The following IFFO1 variants were observed in gnomAD, a reference collection of about 807,000 sequenced individuals.
IFFO1 encodes the protein intermediate filament family orphan 1.
IFFO1 carries 42 observed loss-of-function variants against 59.6 expected under a neutral mutation model. That is an observed-to-expected ratio of 0.70 (90% CI 0.55 to 0.91). The LOEUF is 0.91. IFFO1 is among the 40% of genes least tolerant of loss of function. The pLI, the probability that IFFO1 is intolerant of heterozygous loss-of-function variation, is 0.00. For missense variants in IFFO1, 711 were observed against 793.2 expected (o/e 0.90, Z 1.24); for synonymous variants, 336 against 342.8 (o/e 0.98, Z 0.22).
At position 6,556,012 on chromosome 12, in the gene IFFO1, G is replaced by T. The variant is rs533101704; in HGVS notation, c.18C>A (p.Gly6=). MNPLF[G]PNLFLLQQEQ... Reference sequence around the variant, plus strand: ...CCTGCTGCAGGAGGAAGAGGTTGGGGCCGAATAACGGATTCATGGCTGCGC... The same window carrying T: ...CCTGCTGCAGGAGGAAGAGGTTGGGTCCGAATAACGGATTCATGGCTGCGC... Residue 6 remains glycine, a synonymous_variant, in exon 1 of 10, where the codon GGC becomes GGA. Coordinates refer to ENST00000619571, the MANE Select transcript of IFFO1 (RefSeq NM_001193457.2). The T allele has an allele frequency of 1.3e-6, 2 of 1,581,340 alleles. No homozygotes were observed. Among genetic ancestry groups the T allele is most frequent in the African/African-American group, 2.7e-5 (2 of 74,462 alleles).
At chr12:6,546,570 G>A (rs1036567169) in intron 8 of IFFO1, among the ~76,000 whole-genome samples, 5 of 152,102 alleles carry the variant, frequency 3.3e-5, no homozygotes, top group Non-Finnish European at 5.9e-5. Context: ...TGCAAGCTCC[G>A]CCTCCCGGGT....
rs375069559 is a variant in IFFO1 at position 6,540,925 on chromosome 12, C to T, written c.1611-337G>A. Among the ~76,000 whole-genome samples, 11 of 150,828 alleles carry T rather than the reference C, an allele frequency of 7.3e-5. No homozygotes were observed. In the East Asian group the frequency reaches 1.6e-3, roughly 22 times the overall value. On this transcript the variant is annotated intron_variant, in intron 9 of 9. Coordinates refer to ENST00000619571, the MANE Select transcript of IFFO1 (RefSeq NM_001193457.2). ...CCAACATGGTGAAACCCCATCTCTA[C>T]TAAAAATGCAAAAATTAGCCAGGTG... is the stretch of plus-strand genomic sequence containing the variant.
At position 6,540,389 on chromosome 12, in the gene IFFO1, A is replaced by C; in HGVS notation, c.*94T>G. On this transcript the variant is annotated 3_prime_UTR_variant, in exon 10 of 10. Transcript: ENST00000619571. ...GTCCCCAGGGACCGGCCTGGTGCAG[A>C]GCTGCAGCTGATGTTCCCCTCTGTG... The C allele has an allele frequency of 2.9e-6, 3 of 1,028,920 alleles. No individual in the cohort carries two copies. The highest frequency in any genetic ancestry group is 2.6e-5 in the South Asian group (2 of 78,414). 63.7% of individuals were successfully genotyped at this position (1,028,920 alleles called of 1,614,324 possible). A position where few individuals can be genotyped will look rare whatever the true frequency, so the allele number is the denominator to read the frequency against.
At chr12:6,551,783 G>T in intron 1 of IFFO1, 1 of 321,188 alleles carries the variant, frequency 3.1e-6, no homozygotes, top group Non-Finnish European at 6.2e-6. Flanking sequence ...GACACAGCCT[G>T]TTCCAGGGCC....
Position 6,550,687 on chromosome 12 carries a change from G to A in IFFO1, c.930+8C>T, listed in dbSNP as rs376062108. The A allele has an allele frequency of 1.9e-6, 3 of 1,609,446 alleles. No homozygotes were observed. Among genetic ancestry groups the A allele is most frequent in the Admixed American group, 1.7e-5 (1 of 60,002 alleles). ...TTCGACCCTCGGGAAGCCTGGGGCT[G>A]CACTCACGTTACTCATGAGCCCCTT... On this transcript the variant is annotated splice_region_variant and intron_variant, in intron 3 of 9. Coordinates refer to ENST00000619571, the MANE Select transcript of IFFO1 (RefSeq NM_001193457.2).
At chr12:6,539,355 G>A (rs1165241304), downstream of IFFO1, 3 of 152,126 alleles carry the variant, frequency 2.0e-5, no homozygotes, top group African/African-American at 7.2e-5. Context: ...GCATGCTGAA[G>A]CAGGAGAATC....
chr12:6,555,547 G>T lies in IFFO1; in HGVS notation c.483C>A (p.Arg161=). ...PSARVLGSPA[R]SPAGPLAPSA... Reference sequence around the variant, plus strand: ...AGGGCGCGAGGGGGCCGGCCGGGGAGCGCGCGGGCGAGCCCAGCACGCGCG... The same window carrying T: ...AGGGCGCGAGGGGGCCGGCCGGGGATCGCGCGGGCGAGCCCAGCACGCGCG... The change falls in exon 1 of 10, where the codon CGC becomes CGA. Residue 161 remains arginine, a synonymous_variant. Coordinates refer to ENST00000619571, the MANE Select transcript of IFFO1 (RefSeq NM_001193457.2). The surrounding 1 kb of genome is among the most constrained non-coding windows in gnomAD (Gnocchi z 8.6). 6.5e-7 allele frequency: 1 copy of T among 1,529,926 alleles called. No homozygotes were observed. Among genetic ancestry groups the T allele is most frequent in the Non-Finnish European group, 8.8e-7 (1 of 1,140,342 alleles). 94.8% of individuals were successfully genotyped at this position (1,529,926 alleles called of 1,614,324 possible).
At position 6,548,286 on chromosome 12, in the gene IFFO1, A is replaced by G; in HGVS notation, c.1384-126T>C. On this transcript the variant is annotated intron_variant, in intron 7 of 9. Transcript: ENST00000619571. This position sits in a 1 kb window ranked among gnomAD's most constrained non-coding sequence, Gnocchi z 6.1. ...TTAAAGAAACTGGAGAAAGAAAAGC[A>G]AAAGGATAAAGGAAGAGGGGAGACG... 7.4e-7 allele frequency: 1 copy of G among 1,346,286 alleles called. No individual in the cohort carries two copies. The allele number at this position is 1,346,286 out of a possible 1,614,324, so 83.4% of individuals were successfully genotyped here. A position where few individuals can be genotyped will look rare whatever the true frequency, so the allele number is the denominator to read the frequency against.
intron 8 of IFFO1, among the ~76,000 whole-genome samples, chr12:6,545,201 C>A (rs533974167): frequency 6.6e-6 from 1 of 151,728 alleles, no homozygotes; most frequent in Non-Finnish European, 1.5e-5. Context: ...GGCGACACAG[C>A]GAGACTACGT....
rs1947070255 is a variant in IFFO1 at position 6,548,436 on chromosome 12, C to A, written c.1372G>T (p.Ala458Ser). 3 of 1,611,872 alleles carry A rather than the reference C, an allele frequency of 1.9e-6. No homozygotes were observed. The highest frequency in any genetic ancestry group is 2.5e-6 in the Non-Finnish European group (3 of 1,178,842). ...GGAGCAGAGGTTACCTCTCCCTGGG[C>A]CTCTGCAGCTGCCATGGCATAGCCT... ...FSGYAMAAAEAQGEQQEDSLE... is the reference protein window; with the variant it reads ...FSGYAMAAAESQGEQQEDSLE... Residue 458 changes from alanine to serine, a missense_variant, in exon 7 of 10, where the codon GCC becomes TCC. Coordinates refer to ENST00000619571, the MANE Select transcript of IFFO1 (RefSeq NM_001193457.2). This position sits in a 1 kb window ranked among gnomAD's most constrained non-coding sequence, Gnocchi z 6.1.
rs888136476 is a variant in IFFO1, at chr12:6,540,233, G to T, written c.*250C>A. Reference sequence around the variant, plus strand: ...AGATGGGGAAGTAGCAGACACCCACGCGTGAAGGCAGGAGAGCCCCAACTG... The same window carrying T: ...AGATGGGGAAGTAGCAGACACCCACTCGTGAAGGCAGGAGAGCCCCAACTG... On this transcript the variant is annotated 3_prime_UTR_variant, in exon 10 of 10. Transcript: ENST00000619571. 15 of 561,622 alleles carry T rather than the reference G, an allele frequency of 2.7e-5. No individual in the cohort carries two copies. Among genetic ancestry groups the T allele is most frequent in the Non-Finnish European group, 4.4e-5 (14 of 316,154 alleles). 34.8% of individuals were successfully genotyped at this position (561,622 alleles called of 1,614,324 possible).
chr12:6,539,292 A>AATT (rs777287481), downstream of IFFO1: 3 of 152,258 alleles, frequency 2.0e-5, no homozygotes, highest in Admixed American at 6.5e-5. Flanking sequence ...TCTCTACTAA[A>AATT]ATTACAAAAA....
chr12:6,552,615 G>A (rs369436318), intron 1 of IFFO1, among the ~76,000 whole-genome samples: 2 of 152,218 alleles, frequency 1.3e-5, no homozygotes, highest in East Asian at 3.8e-4. Flanking sequence ...GAGACAGTAA[G>A]CCTGTCAAGG....
chr12:6,546,334 C>CT (rs1369689820), intron 8 of IFFO1, among the ~76,000 whole-genome samples: 1 of 152,208 alleles, frequency 6.6e-6, no homozygotes, highest in Non-Finnish European at 1.5e-5. Context: ...TGAAGAGAGG[C>CT]TGAGACGCAG....
chr12:6,551,078 C>T, intron 1 of IFFO1, 77 bp from the exon 2 acceptor site: 1 of 1,460,686 alleles, frequency 6.8e-7, no homozygotes, highest in Non-Finnish European at 9.5e-7. Context: ...GTCCCCACCT[C>T]TCTGGCTCAG....
chr12:6,553,748 G>A (rs1469460276), intron 1 of IFFO1, among the ~76,000 whole-genome samples: 1 of 152,200 alleles, frequency 6.6e-6, no homozygotes, highest in Non-Finnish European at 1.5e-5. Context: ...CTCCAGCCCG[G>A]ATGACAGAGC....
chr12:6,545,315 T>C (rs1946902245), intron 8 of IFFO1, among the ~76,000 whole-genome samples: 1 of 152,246 alleles, frequency 6.6e-6, no homozygotes, highest in South Asian at 2.1e-4. Flanking sequence ...AAGGTGAACC[T>C]TGATCTGAAA....
At chr12:6,551,661 G>A in intron 1 of IFFO1, 1 of 416,738 alleles carries the variant, frequency 2.4e-6, no homozygotes, top group Non-Finnish European at 4.8e-6. Flanking sequence ...AAGTCCCACA[G>A]CAGCATGACA....
Position 6,548,694 on chromosome 12 carries a change from C to T in IFFO1, c.1236G>A (p.Glu412=). Reference sequence around the variant, plus strand: ...GCTGGTTGAGCATGCGCTGCATCTCCTCGTTGATGCTGAGGGCTGTGCTCT... The same window carrying T: ...GCTGGTTGAGCATGCGCTGCATCTCTTCGTTGATGCTGAGGGCTGTGCTCT... The part of the protein sequence containing the change: ...EEESTALSIN[E]EMQRMLNQLR... The change falls in exon 6 of 10, where the codon GAG becomes GAA. Residue 412 remains glutamate (E), a synonymous_variant. Transcript: ENST00000619571. The surrounding 1 kb of genome is among the most constrained non-coding windows in gnomAD (Gnocchi z 6.1). The T allele has an allele frequency of 1.2e-6, 2 of 1,614,162 alleles. No homozygotes were observed. Among genetic ancestry groups the T allele is most frequent in the East Asian group, 2.2e-5 (1 of 44,876 alleles).
Sources: allele counts gnomAD v4.1 joint callset (sites outside exome capture counted in the v4.1 genomes callset), GRCh38; gene constraint gnomAD v4.1.1; non-coding constraint Gnocchi (gnomAD v3.1); transcripts MANE v1.5; gene names NCBI Gene and HGNC (gene_info 2026-07-23, HGNC 2026-07-21).